CRISPLD2: variants seen among roughly 807,000 people sequenced by gnomAD.
The protein encoded by CRISPLD2 is cysteine-rich secretory protein LCCL domain-containing 2.
A neutral mutation model predicts 71.1 loss-of-function variants in CRISPLD2; 47 were observed. The ratio of observed to expected loss-of-function variants is 0.66; its 90% CI spans 0.52 to 0.84. The LOEUF is 0.84. Among genes scored for constraint, CRISPLD2 ranks in the 40% least tolerant of loss-of-function variants. The pLI is 0.00. For synonymous variants in CRISPLD2, 317 were observed against 250.1 expected, an observed-to-expected ratio of 1.27 and a Z score of -2.52; for missense variants, 830 against 651.1, an observed-to-expected ratio of 1.27 and a Z score of -2.99.
intron 11 of CRISPLD2, among the ~76,000 whole-genome samples, chr16:84,875,064 G>A (rs1487248896): frequency 6.6e-6 from 1 of 152,078 alleles, no homozygotes; most frequent in Non-Finnish European, 1.5e-5. Flanking sequence ...AACACAGCAA[G>A]ACCCTGTCTC....
intron 12 of CRISPLD2, among the ~76,000 whole-genome samples, chr16:84,879,427 A>G (rs1222449249): frequency 1.3e-5 from 2 of 151,222 alleles, no homozygotes; most frequent in South Asian, 2.1e-4. Context: ...CGGTGGTACA[A>G]TCTCTGCTCA....
chr16:84,850,932 AT>A (rs1345556289), intron 5 of CRISPLD2, among the ~76,000 whole-genome samples: 1 of 88,952 alleles, frequency 1.1e-5, no homozygotes, highest in Non-Finnish European at 2.9e-5. Context: ...CCAACATCAC[AT>A]CTCCCCAAGC....
At position 84,907,561 on chromosome 16, in the gene CRISPLD2, G is replaced by T. The variant is rs1355938244; in HGVS notation, c.*919G>T. On this transcript the variant is annotated 3_prime_UTR_variant, in exon 15 of 15. Coordinates refer to ENST00000262424, the MANE Select transcript of CRISPLD2 (RefSeq NM_031476.4). ...TTTGAAGCCCAAGTCTTAACTCCTGGTCTCGTAAGGTTCCACTGAGACGAG... is the reference window on the plus strand; with the variant it reads ...TTTGAAGCCCAAGTCTTAACTCCTGTTCTCGTAAGGTTCCACTGAGACGAG... 1 of 152,146 alleles carries T rather than the reference G, an allele frequency of 6.6e-6. No homozygotes were observed. The highest frequency in any genetic ancestry group is 2.4e-5 in the African/African-American group (1 of 41,420). The allele number at this position is 152,146 out of a possible 1,614,324, so 9.4% of individuals were successfully genotyped here.
At chr16:84,836,293 G>T (rs559172124) in intron 1 of CRISPLD2, 1 of 152,322 alleles carries the variant, frequency 6.6e-6, no homozygotes, top group African/African-American at 2.4e-5. Context: ...TCAACCCAGC[G>T]TCAGAGTTTT....
At chr16:84,863,837 G>T (rs144910144) in intron 6 of CRISPLD2, among the ~76,000 whole-genome samples, 1 of 151,572 alleles carries the variant, frequency 6.6e-6, no homozygotes, top group Non-Finnish European at 1.5e-5. Context: ...GCATGGTGGC[G>T]CATGCCTGTA....
chr16:84,888,742 C>G (rs1048442578), intron 13 of CRISPLD2, among the ~76,000 whole-genome samples: 1 of 152,232 alleles, frequency 6.6e-6, no homozygotes, highest in African/African-American at 2.4e-5. Context: ...GCCTGGGATG[C>G]TCTGTGCAGA....
At chr16:84,871,371 C>G (rs1420173101) in intron 8 of CRISPLD2, among the ~76,000 whole-genome samples, 3 of 152,008 alleles carry the variant, frequency 2.0e-5, no homozygotes, top group Non-Finnish European at 2.9e-5. Flanking sequence ...GCCTGGGCAA[C>G]ATGGCAAAAC....
chr16:84,908,667 A>C lies in CRISPLD2; in HGVS notation c.*2025A>C, dbSNP rs2071825804. The stretch of plus-strand genomic sequence containing the variant: ...AGGATAGAAAGTCCTTGCCCAGAGC[A>C]GGACCTGGCTGTCTTTTTTTTTTTT... On this transcript the variant is annotated 3_prime_UTR_variant, in exon 15 of 15. Transcript: ENST00000262424. 6.8e-6 allele frequency: 1 copy of C among 146,452 alleles called. No homozygotes were observed. 9.1% of individuals were successfully genotyped at this position (146,452 alleles called of 1,614,324 possible). A position where few individuals can be genotyped will look rare whatever the true frequency, so the allele number is the denominator to read the frequency against.
At chr16:84,875,002 A>G (rs2071505398) in intron 11 of CRISPLD2, among the ~76,000 whole-genome samples, 1 of 152,132 alleles carries the variant, frequency 6.6e-6, no homozygotes, top group South Asian at 2.1e-4. Flanking sequence ...GCACTTTGGG[A>G]GACTGAGGCG....
chr16:84,841,599 G>A (rs556141904), intron 2 of CRISPLD2, among the ~76,000 whole-genome samples: 49 of 151,942 alleles, frequency 3.2e-4, no homozygotes, highest in African/African-American at 1.1e-3. Context: ...TGACTGTGAA[G>A]CACTTTTTTT....
intron 8 of CRISPLD2, among the ~76,000 whole-genome samples, chr16:84,871,971 T>G (rs540163893): frequency 6.6e-6 from 1 of 151,292 alleles, no homozygotes; most frequent in South Asian, 2.1e-4. Context: ...TTCAACCAAC[T>G]GCAGATCAAA....
chr16:84,903,298 G>A (rs898748511), intron 14 of CRISPLD2, among the ~76,000 whole-genome samples: 12 of 151,940 alleles, frequency 7.9e-5, no homozygotes, highest in African/African-American at 2.7e-4. Context: ...AGAACATTCC[G>A]GAAAGTATCC....
intron 14 of CRISPLD2, among the ~76,000 whole-genome samples, chr16:84,890,886 C>G (rs948376520): frequency 6.6e-6 from 1 of 152,208 alleles, no homozygotes; most frequent in South Asian, 2.1e-4. Context: ...GGGCACTCAG[C>G]CTCCCAAGTA....
intron 14 of CRISPLD2, among the ~76,000 whole-genome samples, chr16:84,891,977 C>A (rs1473710662): frequency 6.6e-6 from 1 of 152,236 alleles, no homozygotes; most frequent in African/African-American, 2.4e-5. Flanking sequence ...TAGTGATTTT[C>A]TGCAGCATTT....
chr16:84,838,618 C>G lies in CRISPLD2; in HGVS notation c.123C>G (p.Asn41Lys), dbSNP rs753577527. 6.2e-7 allele frequency: 1 copy of G among 1,614,130 alleles called. No individual in the cohort carries two copies. Among genetic ancestry groups the G allele is most frequent in the African/African-American group, 1.3e-5 (1 of 74,946 alleles). The change falls in exon 2 of 15, where the codon AAC (asparagine) becomes AAG (lysine). Residue 41 changes from asparagine (N) to lysine (K), a missense_variant. Transcript: ENST00000262424. ...AGCTGCTCAGCAAATACCAGCACAA[C>G]GAGTCTCACTCCCGGGTCCGCAGAG... ...LEELLSKYQH[N>K]ESHSRVRRAI... is the part of the protein sequence containing the mutation.
chr16:84,846,995 G>A (rs1251230043), intron 3 of CRISPLD2, among the ~76,000 whole-genome samples: 4 of 152,208 alleles, frequency 2.6e-5, no homozygotes, highest in Non-Finnish European at 5.9e-5. Flanking sequence ...ACCACGCCCA[G>A]GATAACAACT....
At chr16:84,836,977 C>T (rs8062617) in intron 1 of CRISPLD2, among the ~76,000 whole-genome samples, 22,942 of 152,148 alleles carry the variant, frequency 0.15, 1,827 homozygotes, top group Middle Eastern at 0.21. Flanking sequence ...GTGGGGACTG[C>T]GGGTTTCCTC....
At chr16:84,873,339 G>C (rs999245733) in intron 10 of CRISPLD2, 1 of 374,828 alleles carries the variant, frequency 2.7e-6, no homozygotes, top group South Asian at 3.1e-5. Context: ...TTAGCCAGGC[G>C]TGGTGGCAGG....
chr16:84,887,881 AATAG>A lies in CRISPLD2; in HGVS notation c.1306-1341_1306-1338del, dbSNP rs566855852. 2.2e-3 allele frequency among the ~76,000 whole-genome samples: 332 copies of A among 152,314 alleles called. 1 individual carries two copies. Among genetic ancestry groups the A allele is most frequent in the African/African-American group, 7.5e-3 (312 of 41,566 alleles). On this transcript the variant is annotated intron_variant, in intron 13 of 14. Transcript: ENST00000262424. Reference sequence around the variant, plus strand: ...ATAAGAGCGAAACTCCGTCTCAAAAAATAGATAGATAAATAAATAAATAAATTGA... The same window carrying A: ...ATAAGAGCGAAACTCCGTCTCAAAAAATAGATAAATAAATAAATAAATTGA...
Sources: gnomAD v4.1 joint callset for allele counts (sites outside exome capture counted in the v4.1 genomes callset) on GRCh38, gnomAD v4.1.1 for gene constraint, MANE v1.5 for transcripts, NCBI Gene and HGNC (gene_info 2026-07-23, HGNC 2026-07-21) for gene names.